The following ATG2B variants were observed in gnomAD, a reference collection of about 807,000 sequenced individuals.
ATG2B encodes the protein autophagy-related protein 2 homolog B.
Under a neutral mutation model 241.3 loss-of-function variants are expected in ATG2B, and 121 were observed. The ratio of observed to expected loss-of-function variants is 0.50; its 90% CI spans 0.43 to 0.58. The LOEUF (loss-of-function observed/expected upper bound fraction) is 0.58, where lower values mean the gene tolerates loss of function less well. ATG2B is among the 20% of genes least tolerant of loss of function. The pLI, the probability that ATG2B is intolerant of heterozygous loss-of-function variation, is 0.00. For missense variants in ATG2B, 2,306 were observed against 2,491.6 expected (o/e 0.93, Z 1.59); for synonymous variants, 858 against 876.6 (o/e 0.98, Z 0.37).
intron 34 of ATG2B, among the ~76,000 whole-genome samples, chr14:96,296,260 TAATG>T (rs1401803772): frequency 6.6e-6 from 1 of 152,212 alleles, no homozygotes; most frequent in African/African-American, 2.4e-5. Context: ...ATATTCAAAA[TAATG>T]AAAATAATCC....
chr14:96,322,330 A>C (rs1887480986), intron 17 of ATG2B, 76 bp from the exon 18 acceptor site: 1 of 1,499,560 alleles, frequency 6.7e-7, no homozygotes, highest in Admixed American at 2.4e-5. Context: ...TAGCCTATCC[A>C]TAGGACTTGG....
intron 33 of ATG2B, among the ~76,000 whole-genome samples, 164 bp downstream of exon 33, chr14:96,302,896 AT>A (rs2139847751): frequency 1.3e-5 from 2 of 152,128 alleles, no homozygotes; most frequent in South Asian, 2.1e-4. Flanking sequence ...ATGCAAAATA[AT>A]TTTTTAAACA....
intron 1 of ATG2B, among the ~76,000 whole-genome samples, chr14:96,357,535 A>G (rs182941818): frequency 6.0e-4 from 92 of 152,180 alleles, no homozygotes; most frequent in African/African-American, 2.1e-3. Flanking sequence ...TCTCTGTCCA[A>G]TCTCAATCTC....
intron 17 of ATG2B, 55 bp downstream of exon 17, chr14:96,322,485 G>A (rs1887485043): frequency 6.6e-7 from 1 of 1,517,046 alleles, no homozygotes; most frequent in African/African-American, 1.4e-5. Flanking sequence ...CAAAAGCATT[G>A]CTCTATGACA....
At chr14:96,333,514 A>G (rs1887793316) in intron 8 of ATG2B, among the ~76,000 whole-genome samples, 174 bp downstream of exon 8, 1 of 152,212 alleles carries the variant, frequency 6.6e-6, no homozygotes, top group African/African-American at 2.4e-5. Context: ...GTGCTGGTGC[A>G]TTACTGTAAT....
Position 96,317,326 on chromosome 14 carries a change from A to G in ATG2B, c.3038-9T>C. 1 of 1,599,946 alleles carries G rather than the reference A, an allele frequency of 6.3e-7. No individual in the cohort carries two copies. The highest frequency in any genetic ancestry group is 1.3e-5 in the African/African-American group (1 of 74,160). ...AGATCCACTTTCCTCATCTATGAGA[A>G]ATAAACATACAATTACATTCTGATA... On this transcript the variant is annotated splice_polypyrimidine_tract_variant and intron_variant, in intron 19 of 41. Coordinates refer to ENST00000359933, the MANE Select transcript of ATG2B (RefSeq NM_018036.7).
At chr14:96,349,419 C>T (rs1054310039) in intron 1 of ATG2B, among the ~76,000 whole-genome samples, 2 of 152,104 alleles carry the variant, frequency 1.3e-5, no homozygotes, top group South Asian at 2.1e-4. Flanking sequence ...AGCAAGGACG[C>T]CATGATGAGA....
intron 27 of ATG2B, 76 bp downstream of exon 27, chr14:96,311,466 G>T: frequency 7.5e-7 from 1 of 1,329,404 alleles, no homozygotes; most frequent in South Asian, 1.4e-5. Flanking sequence ...TTAGGTACAC[G>T]GAAAAATGTT....
chr14:96,290,010 C>G lies in ATG2B; in HGVS notation c.5857-205G>C. On this transcript the variant is annotated intron_variant, in intron 40 of 41. Transcript: ENST00000359933. This position sits in a 1 kb window ranked among gnomAD's most constrained non-coding sequence, Gnocchi z 4.4. ...TAAAAGTATAAATTAATAACTAACA[C>G]CTGGATTGAGCTAAATTTTTAGCCC... 5 of 885,980 alleles carry G rather than the reference C, an allele frequency of 5.6e-6. No individual in the cohort carries two copies. Among genetic ancestry groups the G allele is most frequent in the Non-Finnish European group, 8.0e-6 (5 of 622,544 alleles). 54.9% of individuals were successfully genotyped at this position (885,980 alleles called of 1,614,324 possible).
rs1291458889 is a variant in ATG2B, at chr14:96,341,693, C to G, written c.753G>C (p.Glu251Asp). 6.4e-7 allele frequency: 1 copy of G among 1,562,596 alleles called. No individual in the cohort carries two copies. The highest frequency in any genetic ancestry group is 8.7e-7 in the Non-Finnish European group (1 of 1,153,548). ...GGTTCCAGCTAGGTGAGAGCTTTGGCTCAGTTTCCTACAATAAAGTGACAA... is the reference window on the plus strand; with the variant it reads ...GGTTCCAGCTAGGTGAGAGCTTTGGGTCAGTTTCCTACAATAAAGTGACAA... Reference protein sequence around the residue: ...PVCSTAPVETEPKLSPSWNPK... With the variant: ...PVCSTAPVETDPKLSPSWNPK... Residue 251 changes from glutamate to aspartate, a missense_variant, in exon 6 of 42, where the codon GAG (glutamate) becomes GAC (aspartate). Physicochemically the swap from Glu to Asp is conservative, Grantham distance 45. Coordinates refer to ENST00000359933, the MANE Select transcript of ATG2B (RefSeq NM_018036.7).
rs562451331 is a variant in ATG2B at position 96,282,085 on chromosome 14, T to G, written c.*3670A>C. The G allele has an allele frequency of 2.2e-4, 34 of 152,236 alleles. No homozygotes were observed. Among genetic ancestry groups the G allele is most frequent in the Non-Finnish European group, 4.6e-4 (31 of 68,048 alleles). 9.4% of individuals were successfully genotyped at this position (152,236 alleles called of 1,614,324 possible). ...ATGTTGAGATAAAAAGAAGTTGGCA[T>G]TAAAGCACTATTTGTCTTATATGAA... On this transcript the variant is annotated 3_prime_UTR_variant, in exon 42 of 42. Transcript: ENST00000359933.
chr14:96,341,438 A>G (rs1888031906), intron 6 of ATG2B, 84 bp downstream of exon 6: 1 of 1,073,636 alleles, frequency 9.3e-7, no homozygotes, highest in South Asian at 2.2e-5. Flanking sequence ...ATCTGCAGTA[A>G]TCAATCAGTG....
At chr14:96,299,990 G>T (rs1442811954) in intron 34 of ATG2B, among the ~76,000 whole-genome samples, 1 of 152,104 alleles carries the variant, frequency 6.6e-6, no homozygotes. Flanking sequence ...TAAAAGAGGC[G>T]AACTGAAAAG....
At chr14:96,317,881 A>C in intron 18 of ATG2B, 26 bp from the exon 19 acceptor site, 1 of 1,526,878 alleles carries the variant, frequency 6.5e-7, no homozygotes, top group Non-Finnish European at 8.9e-7. Context: ...TTGAAAAATA[A>C]GTACTTAACT....
At chr14:96,316,705 C>T (rs1887323049) in intron 20 of ATG2B, 22 bp from the exon 21 acceptor site, 1 of 1,592,664 alleles carries the variant, frequency 6.3e-7, no homozygotes, top group Non-Finnish European at 8.5e-7. Context: ...ATCAGAAAAA[C>T]ACAGAAGTTA....
chr14:96,311,474 G>T, intron 27 of ATG2B, 68 bp downstream of exon 27: 1 of 1,380,376 alleles, frequency 7.2e-7, no homozygotes, highest in Non-Finnish European at 1.0e-6. Context: ...ACGGAAAAAT[G>T]TTAAACTCAA....
chr14:96,282,161 A>G lies in ATG2B; in HGVS notation c.*3594T>C, dbSNP rs1317041191. 1.3e-5 allele frequency: 2 copies of G among 152,182 alleles called. No homozygotes were observed. Among genetic ancestry groups the G allele is most frequent in the Admixed American group, 6.5e-5 (1 of 15,284 alleles). The allele number at this position is 152,182 out of a possible 1,614,324, so 9.4% of individuals were successfully genotyped here. On this transcript the variant is annotated 3_prime_UTR_variant, in exon 42 of 42. Transcript: ENST00000359933. ...CAAGATTTCCTGCAATGAAAAAGAA[A>G]TTTTTCCTTCATTATCTATAAACTA...
chr14:96,300,953 T>C (rs1460715822), intron 34 of ATG2B, among the ~76,000 whole-genome samples: 1 of 152,192 alleles, frequency 6.6e-6, no homozygotes, highest in Non-Finnish European at 1.5e-5. Flanking sequence ...ATTCAACCAG[T>C]ACTATTTAAG....
In ATG2B at chr14:96,347,077, T is replaced by C. The variant is rs868248320; in HGVS notation, c.325+102A>G. 5 of 1,085,700 alleles carry C rather than the reference T, an allele frequency of 4.6e-6. No homozygotes were observed. The Middle Eastern group carries it at 1.1e-3, about 236-fold the overall frequency. The allele number at this position is 1,085,700 out of a possible 1,614,324, so 67.3% of individuals were successfully genotyped here. Reference sequence around the variant, plus strand: ...CGTAATGTATTATCAACTGAAAATTTCACAAATACAAAGCAAAAATACTAA... The same window carrying C: ...CGTAATGTATTATCAACTGAAAATTCCACAAATACAAAGCAAAAATACTAA... On this transcript the variant is annotated intron_variant, in intron 2 of 41. Coordinates refer to ENST00000359933, the MANE Select transcript of ATG2B (RefSeq NM_018036.7).
Sources: gnomAD v4.1 joint callset for allele counts (sites outside exome capture counted in the v4.1 genomes callset) on GRCh38, gnomAD v4.1.1 for gene constraint, Gnocchi (gnomAD v3.1) non-coding constraint, MANE v1.5 for transcripts, NCBI Gene and HGNC (gene_info 2026-07-23, HGNC 2026-07-21) for gene names.